DCAF10: variants seen among roughly 807,000 people sequenced by gnomAD.
DCAF10 encodes DDB1 and CUL4 associated factor 10.
DCAF10 carries 19 observed loss-of-function variants against 51.9 expected under a neutral mutation model. The ratio of observed to expected loss-of-function variants is 0.37; its 90% CI spans 0.26 to 0.54. DCAF10 has a LOEUF of 0.54. DCAF10 is among the 20% of genes least tolerant of loss of function. The pLI, the probability that DCAF10 is intolerant of heterozygous loss-of-function variation, is 0.87. For missense variants in DCAF10, 510 were observed against 730.6 expected, an observed-to-expected ratio of 0.70 and a Z score of 3.48; for synonymous variants, 291 against 297.1, an observed-to-expected ratio of 0.98 and a Z score of 0.21.
chr9:37,804,775 T>A (rs926126191), intron 1 of DCAF10, among the ~76,000 whole-genome samples: 4 of 142,246 alleles, frequency 2.8e-5, no homozygotes, highest in Non-Finnish European at 4.6e-5. Context: ...AAACTCCATT[T>A]AAAAAAAAAA....
At chr9:37,848,792 G>A (rs1589109063) in intron 3 of DCAF10, among the ~76,000 whole-genome samples, 1 of 152,082 alleles carries the variant, frequency 6.6e-6, no homozygotes, top group East Asian at 1.9e-4. Context: ...GGCCAACATG[G>A]TGAAATCCCG....
At chr9:37,821,993 A>G (rs1829716623) in intron 2 of DCAF10, among the ~76,000 whole-genome samples, 1 of 152,244 alleles carries the variant, frequency 6.6e-6, no homozygotes, top group African/African-American at 2.4e-5. Context: ...AATTCTTCAT[A>G]TGACCAACAA....
At chr9:37,844,702 G>A (rs1287407522) in intron 3 of DCAF10, among the ~76,000 whole-genome samples, 1 of 151,866 alleles carries the variant, frequency 6.6e-6, no homozygotes, top group East Asian at 1.9e-4. Flanking sequence ...AAAATTAGCA[G>A]GGCCTAGTGG....
At chr9:37,806,166 A>C (rs1002012829) in intron 1 of DCAF10, among the ~76,000 whole-genome samples, 3 of 152,228 alleles carry the variant, frequency 2.0e-5, no homozygotes, top group African/African-American at 7.2e-5. Context: ...GACTACATTC[A>C]GGCCTGCTAT....
intron 3 of DCAF10, among the ~76,000 whole-genome samples, chr9:37,847,110 G>A (rs990318398): frequency 2.0e-5 from 3 of 151,866 alleles, no homozygotes; most frequent in African/African-American, 7.3e-5. Context: ...AAAATTAGCT[G>A]GGTGTGGTGG....
intron 1 of DCAF10, among the ~76,000 whole-genome samples, chr9:37,811,261 G>A (rs764045004): frequency 1.3e-5 from 2 of 151,750 alleles, no homozygotes; most frequent in Non-Finnish European, 2.9e-5. Context: ...AAGCCCAGGC[G>A]TTTGAGGTTA....
intron 1 of DCAF10, among the ~76,000 whole-genome samples, chr9:37,805,912 C>G (rs1263083712): frequency 6.6e-6 from 1 of 152,108 alleles, no homozygotes; most frequent in East Asian, 1.9e-4. Context: ...TAAGGAGACC[C>G]TGTCTCTACA....
intron 1 of DCAF10, among the ~76,000 whole-genome samples, chr9:37,816,313 G>A (rs963342344): frequency 6.6e-5 from 10 of 152,308 alleles, no homozygotes; most frequent in South Asian, 6.2e-4. Context: ...TTTGGGCCAC[G>A]CGCGATGGCT....
At chr9:37,818,555 T>C (rs1210539247) in intron 1 of DCAF10, among the ~76,000 whole-genome samples, 2 of 152,140 alleles carry the variant, frequency 1.3e-5, no homozygotes, top group Non-Finnish European at 2.9e-5. Flanking sequence ...TTTATAAAAA[T>C]ATAACTTTGC....
chr9:37,861,185 G>A lies in DCAF10; in HGVS notation c.1357G>A (p.Val453Ile). 6.2e-7 allele frequency: 1 copy of A among 1,608,476 alleles called. No homozygotes were observed. Among genetic ancestry groups the A allele is most frequent in the Non-Finnish European group, 8.5e-7 (1 of 1,175,100 alleles). ...CCAAGAAGGAGCTCCAGTGCGACCT[G>A]TCTCACCTCGCTGTTCTCTACGACT... Reference protein sequence around the residue: ...EFQEGAPVRPVSPRCSLRLTH... With the variant: ...EFQEGAPVRPISPRCSLRLTH... Residue 453 changes from valine to isoleucine, a missense_variant, in exon 7 of 7, where the codon GTC becomes ATC. Physicochemically the swap from Val to Ile is conservative, Grantham distance 29. Transcript: ENST00000377724. The surrounding 1 kb of genome is among the most constrained non-coding windows in gnomAD (Gnocchi z 4.9).
intron 1 of DCAF10, among the ~76,000 whole-genome samples, chr9:37,813,959 A>G (rs901688952): frequency 6.6e-6 from 1 of 151,396 alleles, no homozygotes; most frequent in Non-Finnish European, 1.5e-5. Flanking sequence ...TGAATTGTCA[A>G]TAAGCTAAGT....
At chr9:37,855,072 GA>G in intron 4 of DCAF10, 90 bp downstream of exon 4, 1 of 1,239,582 alleles carries the variant, frequency 8.1e-7, no homozygotes. Context: ...ATGATAGCAG[GA>G]AAAGGGAAGA....
chr9:37,806,563 C>G (rs758293838), intron 1 of DCAF10, among the ~76,000 whole-genome samples: 2 of 152,172 alleles, frequency 1.3e-5, no homozygotes, highest in Non-Finnish European at 2.9e-5. Context: ...GAAAGAAGAG[C>G]AGTCAAATGA....
At chr9:37,832,789 C>T (rs10116344) in intron 2 of DCAF10, among the ~76,000 whole-genome samples, 29,106 of 152,160 alleles carry the variant, frequency 0.19, 3,186 homozygotes, top group African/African-American at 0.29. Flanking sequence ...ACTCACAGGA[C>T]TAAGGAAAAA....
Position 37,829,702 on chromosome 9 carries a change from A to AT in DCAF10, c.653+10310dup, listed in dbSNP as rs909193045. ...CAATATATGGTAAAGCTGAAGATTA[A>AT]TTTTTTTTTAATAATTGATGCAGGC... On this transcript the variant is annotated intron_variant, in intron 2 of 6. Transcript: ENST00000377724. The surrounding 1 kb of genome is among the most constrained non-coding windows in gnomAD (Gnocchi z 4.2). Among the ~76,000 whole-genome samples the AT allele has an allele frequency of 2.0e-5, 3 of 151,648 alleles. No homozygotes were observed. The highest frequency in any genetic ancestry group is 4.4e-5 in the Non-Finnish European group (3 of 67,860).
chr9:37,814,395 G>T (rs567402398), intron 1 of DCAF10, among the ~76,000 whole-genome samples: 1 of 134,992 alleles, frequency 7.4e-6, no homozygotes, highest in Non-Finnish European at 1.5e-5. Context: ...TGATCCGCCC[G>T]CCTCGGCCTC....
At chr9:37,827,295 T>C (rs530071743) in intron 2 of DCAF10, among the ~76,000 whole-genome samples, 8 of 152,214 alleles carry the variant, frequency 5.3e-5, no homozygotes, top group Non-Finnish European at 8.8e-5. Flanking sequence ...AGATTGGTGA[T>C]GAAAATATGC....
intron 3 of DCAF10, among the ~76,000 whole-genome samples, chr9:37,847,074 T>G (rs1340343350): frequency 1.3e-5 from 2 of 151,164 alleles, no homozygotes; most frequent in Non-Finnish European, 3.0e-5. Context: ...GCCAACATGG[T>G]GAAACCCCAC....
At chr9:37,817,575 G>T (rs1829579685) in intron 1 of DCAF10, among the ~76,000 whole-genome samples, 1 of 152,116 alleles carries the variant, frequency 6.6e-6, no homozygotes, top group African/African-American at 2.4e-5. Flanking sequence ...TTCAGCCTGG[G>T]TGATAGAGCG....
Sources: gnomAD v4.1 joint callset for allele counts (sites outside exome capture counted in the v4.1 genomes callset) on GRCh38, gnomAD v4.1.1 for gene constraint, Gnocchi (gnomAD v3.1) non-coding constraint, MANE v1.5 for transcripts, NCBI Gene and HGNC (gene_info 2026-07-23, HGNC 2026-07-21) for gene names.